Variants in ASB15 observed in about 807,000 individuals in gnomAD.
ASB15 encodes the protein ankyrin repeat and SOCS box protein 15.
A neutral mutation model predicts 58.0 loss-of-function variants in ASB15; 54 were observed. The ratio of observed to expected loss-of-function variants is 0.93; its 90% CI spans 0.75 to 1.17. The LOEUF is 1.17. Ranked by LOEUF, ASB15 falls within the 50% of genes most tolerant of loss-of-function variation. The probability of loss-of-function intolerance (pLI) is 0.00; values close to 1 mark genes in which losing one functional copy is unlikely to be tolerated. For missense variants in ASB15, 680 were observed against 707.4 expected (o/e 0.96, Z 0.44); for synonymous variants, 249 against 262.4 (o/e 0.95, Z 0.50).
chr7:123,573,250 C>G (rs147496130), intron 1 of ASB15, among the ~76,000 whole-genome samples: 2 of 150,864 alleles, frequency 1.3e-5, no homozygotes, highest in East Asian at 3.9e-4. Flanking sequence ...AAGCTTCCCC[C>G]CCGCCTCCCC....
rs187183012 is a variant in ASB15, at chr7:123,619,633, G to T, written c.451+1896G>T. On this transcript the variant is annotated intron_variant, in intron 7 of 11. Coordinates refer to ENST00000451215, the MANE Select transcript of ASB15 (RefSeq NM_001290258.2). ...CTGCCTCCCGGGTTCAAGCCATTCTGCTGCCTCAGCCTCCCGAGTAGCTGG... is the reference window on the plus strand; with the variant it reads ...CTGCCTCCCGGGTTCAAGCCATTCTTCTGCCTCAGCCTCCCGAGTAGCTGG... 1.1e-3 allele frequency among the ~76,000 whole-genome samples: 170 copies of T among 152,042 alleles called. 2 individuals carry two copies. The highest frequency in any genetic ancestry group is 9.5e-3 in the Admixed American group (145 of 15,264).
chr7:123,594,190 T>C (rs1172496086), intron 1 of ASB15, among the ~76,000 whole-genome samples: 1 of 152,138 alleles, frequency 6.6e-6, no homozygotes, highest in Middle Eastern at 3.2e-3. Context: ...TAACCTTTTT[T>C]CAAGGTTTTT....
chr7:123,606,716 T>C (rs1584763178), intron 2 of ASB15, among the ~76,000 whole-genome samples: 1 of 152,344 alleles, frequency 6.6e-6, no homozygotes, highest in Non-Finnish European at 1.5e-5. Context: ...TTTGTCTCTC[T>C]GTACCTGGCT....
intron 7 of ASB15, 108 bp from the exon 8 acceptor site, chr7:123,624,461 A>G (rs1801629994): frequency 9.4e-7 from 1 of 1,063,866 alleles, no homozygotes; most frequent in African/African-American, 1.6e-5. Context: ...GTAGAAAAAA[A>G]GTTACTAGCT....
chr7:123,582,410 G>T (rs910720233), intron 1 of ASB15, among the ~76,000 whole-genome samples: 1 of 151,906 alleles, frequency 6.6e-6, no homozygotes, highest in African/African-American at 2.4e-5. Context: ...TTTTCTCATT[G>T]CCACCGTCCT....
At chr7:123,568,398 T>C (rs1282145267) in intron 1 of ASB15, among the ~76,000 whole-genome samples, 1 of 151,528 alleles carries the variant, frequency 6.6e-6, no homozygotes, top group African/African-American at 2.4e-5. Flanking sequence ...CGCATGCTTG[T>C]AATCCCACCT....
intron 2 of ASB15, 141 bp from the exon 3 acceptor site, chr7:123,608,453 T>C (rs1302298465): frequency 2.6e-5 from 4 of 152,226 alleles, no homozygotes; most frequent in Non-Finnish European, 4.4e-5. Context: ...TTGTGTTTCT[T>C]CGAAGTAACA....
intron 7 of ASB15, among the ~76,000 whole-genome samples, chr7:123,620,886 G>T (rs1801280057): frequency 6.6e-6 from 1 of 151,656 alleles, no homozygotes; most frequent in Non-Finnish European, 1.5e-5. Context: ...TTTTTTAAAG[G>T]CCAGAATATG....
chr7:123,617,217 T>A (rs2116528481), intron 6 of ASB15, among the ~76,000 whole-genome samples: 1 of 152,288 alleles, frequency 6.6e-6, no homozygotes, highest in East Asian at 1.9e-4. Flanking sequence ...TTCAAGTACA[T>A]TCTCCATTCC....
chr7:123,619,905 T>C (rs1584791930), intron 7 of ASB15: 1 of 152,242 alleles, frequency 6.6e-6, no homozygotes, highest in African/African-American at 2.4e-5. Context: ...CTAATCCATA[T>C]AGTTAGAATA....
intron 1 of ASB15, among the ~76,000 whole-genome samples, chr7:123,586,408 T>C (rs1486432675): frequency 1.3e-5 from 2 of 151,860 alleles, no homozygotes; most frequent in African/African-American, 4.8e-5. Flanking sequence ...ATCCTTTGCC[T>C]GTTTTTTAAT....
chr7:123,595,896 A>G (rs1799678570), intron 1 of ASB15, among the ~76,000 whole-genome samples: 1 of 152,250 alleles, frequency 6.6e-6, no homozygotes, highest in South Asian at 2.1e-4. Flanking sequence ...AAACAGCTTA[A>G]CCAAACCTCA....
At chr7:123,583,605 C>A (rs1799295113) in intron 1 of ASB15, among the ~76,000 whole-genome samples, 2 of 151,058 alleles carry the variant, frequency 1.3e-5, no homozygotes, top group East Asian at 3.9e-4. Flanking sequence ...AAATCAACAA[C>A]CCTTAGTCAT....
At chr7:123,604,407 C>T (rs961059464) in intron 2 of ASB15, among the ~76,000 whole-genome samples, 195 bp downstream of exon 2, 1 of 151,856 alleles carries the variant, frequency 6.6e-6, no homozygotes, top group African/African-American at 2.4e-5. Context: ...CGTGGTGAAA[C>T]CCTGTCTCTA....
In ASB15 at chr7:123,635,724, A is replaced by T. The variant is rs937318376; in HGVS notation, c.1595-1085A>T. Among the ~76,000 whole-genome samples, 7 of 148,824 alleles carry T rather than the reference A, an allele frequency of 4.7e-5. No homozygotes were observed. In the Admixed American group the frequency reaches 4.8e-4, roughly 10 times the overall value. On this transcript the variant is annotated intron_variant, in intron 11 of 11. Transcript: ENST00000451215. ...CTGCAACTAGAGTCGAAGCCAGTTG[A>T]TTGCTATGAGTGTGATTAACCACTG...
At chr7:123,619,384 T>G (rs1270574640) in intron 7 of ASB15, among the ~76,000 whole-genome samples, 1 of 151,904 alleles carries the variant, frequency 6.6e-6, no homozygotes, top group Non-Finnish European at 1.5e-5. Flanking sequence ...AAGCAGTAAA[T>G]CTGTAAAGAC....
chr7:123,629,401 A>G lies in ASB15; in HGVS notation c.1407A>G (p.Pro469=). The G allele has an allele frequency of 1.2e-6, 2 of 1,612,458 alleles. No individual in the cohort carries two copies. The highest frequency in any genetic ancestry group is 1.1e-5 in the South Asian group (1 of 90,954). Residue 469 remains proline, a synonymous_variant, in exon 10 of 12, where the codon CCA becomes CCG. Coordinates refer to ENST00000451215, the MANE Select transcript of ASB15 (RefSeq NM_001290258.2). ...VWSEIQEEVL[P]GWTSCVIKDN... Reference sequence around the variant, plus strand: ...CAGAGATACAGGAAGAGGTGCTGCCAGGATGGACATCTTGTGTAATAAAAG... The same window carrying G: ...CAGAGATACAGGAAGAGGTGCTGCCGGGATGGACATCTTGTGTAATAAAAG...
chr7:123,598,149 A>T (rs1350478162), upstream of ASB15, among the ~76,000 whole-genome samples: 3 of 152,128 alleles, frequency 2.0e-5, no homozygotes, highest in Non-Finnish European at 4.4e-5. Flanking sequence ...ATAGAAAACC[A>T]AATGCAATGG....
In ASB15 at chr7:123,629,299, G is replaced by C; in HGVS notation, c.1305G>C (p.Leu435Phe). Residue 435 changes from leucine (L) to phenylalanine (F), a missense_variant, in exon 10 of 12, where the codon TTG becomes TTC. Physicochemically the swap from Leu to Phe is conservative, Grantham distance 22 (BLOSUM62 0). Transcript: ENST00000451215. ...ALNDEVMLRL[L>F]LNNGYQVEMC... The stretch of plus-strand genomic sequence containing the variant: ...ACGACGAGGTAATGCTGAGGCTATT[G>C]CTGAATAATGGCTATCAAGTGGAGA... The C allele has an allele frequency of 1.2e-6, 2 of 1,614,098 alleles. No homozygotes were observed. The highest frequency in any genetic ancestry group is 1.7e-6 in the Non-Finnish European group (2 of 1,179,986).
Sources: gnomAD v4.1 joint callset for allele counts (sites outside exome capture counted in the v4.1 genomes callset) on GRCh38, gnomAD v4.1.1 for gene constraint, MANE v1.5 for transcripts, NCBI Gene and HGNC (gene_info 2026-07-23, HGNC 2026-07-21) for gene names.